Variants in TAFA2 observed in about 807,000 individuals in gnomAD.
TAFA2 encodes the protein TAFA chemokine like family member 2, also known as chemokine-like protein TAFA-2.
In TAFA2, 7 loss-of-function variants were observed where a neutral mutation model predicts 18.8. The observed-to-expected ratio is 0.37, with a 90% CI of 0.21 to 0.70. The LOEUF is 0.70. TAFA2 is among the 30% of genes least tolerant of loss of function. The pLI is 0.53. For synonymous variants in TAFA2, 60 were observed against 54.2 expected (o/e 1.11, Z -0.47); for missense variants, 122 against 158.1 (o/e 0.77, Z 1.23).
At chr12:61,953,535 T>C (rs1316566803) in intron 1 of TAFA2, among the ~76,000 whole-genome samples, 5 of 152,192 alleles carry the variant, frequency 3.3e-5, no homozygotes, top group Non-Finnish European at 7.3e-5. Context: ...TCACATTTCT[T>C]AAAGTTTGCA....
intron 1 of TAFA2, among the ~76,000 whole-genome samples, chr12:62,014,484 T>G (rs573808266): frequency 6.6e-6 from 1 of 151,910 alleles, no homozygotes; most frequent in Admixed American, 6.6e-5. Flanking sequence ...ATACAAAAAT[T>G]AGCCGGGCAT....
At chr12:61,937,409 A>G (rs561741798) in intron 1 of TAFA2, among the ~76,000 whole-genome samples, 2 of 152,328 alleles carry the variant, frequency 1.3e-5, no homozygotes, top group East Asian at 1.9e-4. Flanking sequence ...AAATTATACT[A>G]CAAGGCTACA....
intron 1 of TAFA2, among the ~76,000 whole-genome samples, chr12:61,895,415 A>G (rs1042378963): frequency 6.6e-6 from 1 of 152,010 alleles, no homozygotes; most frequent in Non-Finnish European, 1.5e-5. Context: ...CCCCTAATCT[A>G]CCGACTCACA....
At chr12:61,980,881 C>T (rs183836630) in intron 1 of TAFA2, among the ~76,000 whole-genome samples, 2 of 152,246 alleles carry the variant, frequency 1.3e-5, no homozygotes, top group African/African-American at 4.8e-5. Flanking sequence ...GGCCATACTG[C>T]CCAAAGTAAT....
At chr12:62,211,968 T>G (rs2062715989) in intron 1 of TAFA2, among the ~76,000 whole-genome samples, 1 of 152,236 alleles carries the variant, frequency 6.6e-6, no homozygotes, top group African/African-American at 2.4e-5. Flanking sequence ...TACTTTACAT[T>G]TCAAAGTAAA....
intron 1 of TAFA2, among the ~76,000 whole-genome samples, chr12:61,910,628 C>G (rs1362960029): frequency 1.3e-5 from 2 of 152,166 alleles, no homozygotes; most frequent in African/African-American, 4.8e-5. Context: ...ATAACACAAC[C>G]ATGAGAAACC....
chr12:61,808,226 G>C (rs1267365029), intron 2 of TAFA2, among the ~76,000 whole-genome samples: 1 of 151,598 alleles, frequency 6.6e-6, no homozygotes, highest in Admixed American at 6.5e-5. Context: ...CATGAGATCT[G>C]ATGATATTAT....
At chr12:61,833,941 T>A (rs558012821) in intron 2 of TAFA2, among the ~76,000 whole-genome samples, 1 of 152,142 alleles carries the variant, frequency 6.6e-6, no homozygotes, top group East Asian at 1.9e-4. Flanking sequence ...GTATAGAGCC[T>A]GGAGATGCTC....
intron 1 of TAFA2, among the ~76,000 whole-genome samples, chr12:62,021,213 A>G (rs1166434045): frequency 4.6e-5 from 7 of 152,256 alleles, no homozygotes; most frequent in Non-Finnish European, 8.8e-5. Context: ...ATATTTGATT[A>G]GCAGATGCTT....
chr12:61,911,100 G>A (rs920093130), intron 1 of TAFA2, among the ~76,000 whole-genome samples: 1 of 152,150 alleles, frequency 6.6e-6, no homozygotes, highest in African/African-American at 2.4e-5. Flanking sequence ...ATAGTCATAT[G>A]CACTTTACCT....
At chr12:62,217,840 A>G (rs1411461425) in intron 1 of TAFA2, among the ~76,000 whole-genome samples, 1 of 152,200 alleles carries the variant, frequency 6.6e-6, no homozygotes, top group African/African-American at 2.4e-5. Flanking sequence ...CCAAGCAAAC[A>G]TACCTGAGAT....
chr12:62,088,785 C>A (rs1868573381), intron 1 of TAFA2, among the ~76,000 whole-genome samples: 2 of 151,938 alleles, frequency 1.3e-5, no homozygotes, highest in South Asian at 4.2e-4. Flanking sequence ...CCTGAGATAA[C>A]CCTCAAGGAG....
intron 1 of TAFA2, among the ~76,000 whole-genome samples, chr12:62,017,284 A>G (rs1367678107): frequency 6.6e-6 from 1 of 152,174 alleles, no homozygotes; most frequent in East Asian, 1.9e-4. Flanking sequence ...TACTGATACC[A>G]CTATTTAATT....
chr12:62,053,609 G>T (rs1882112359), intron 1 of TAFA2, among the ~76,000 whole-genome samples: 1 of 152,102 alleles, frequency 6.6e-6, no homozygotes, highest in Admixed American at 6.5e-5. Context: ...AAAGCTTCTA[G>T]ACTGCCAACA....
At chr12:62,019,982 C>T (rs957841881) in intron 1 of TAFA2, among the ~76,000 whole-genome samples, 6 of 151,966 alleles carry the variant, frequency 3.9e-5, no homozygotes, top group African/African-American at 1.5e-4. Context: ...TTCAGACTAC[C>T]TCACTATAAA....
intron 1 of TAFA2, among the ~76,000 whole-genome samples, chr12:61,939,515 A>G (rs913408443): frequency 5.8e-4 from 88 of 152,324 alleles, no homozygotes; most frequent in African/African-American, 2.1e-3. Flanking sequence ...AAATAAAAAA[A>G]CCTTGAGTTC....
chr12:61,983,915 T>C (rs962259816), intron 1 of TAFA2, among the ~76,000 whole-genome samples: 1 of 152,184 alleles, frequency 6.6e-6, no homozygotes, highest in African/African-American at 2.4e-5. Context: ...CTCCTGCTAA[T>C]CAGTCTTCCC....
chr12:62,086,015 T>C (rs1310338087), intron 1 of TAFA2, among the ~76,000 whole-genome samples: 6 of 152,136 alleles, frequency 3.9e-5, no homozygotes, highest in Non-Finnish European at 8.8e-5. Context: ...CCCTTCTCCT[T>C]CTGCCATGAT....
At chr12:62,136,430 A>G (rs1271879543) in intron 1 of TAFA2, among the ~76,000 whole-genome samples, 1 of 152,164 alleles carries the variant, frequency 6.6e-6, no homozygotes, top group African/African-American at 2.4e-5. Context: ...TTTTCCCTCT[A>G]TGAAACTATC....
Sources: gnomAD v4.1 joint callset for allele counts (sites outside exome capture counted in the v4.1 genomes callset) on GRCh38, gnomAD v4.1.1 for gene constraint, MANE v1.5 for transcripts, NCBI Gene and HGNC (gene_info 2026-07-23, HGNC 2026-07-21) for gene names.